NBEA: variants seen among roughly 807,000 people sequenced by gnomAD.
The protein encoded by NBEA is neurobeachin.
In NBEA, 44 loss-of-function variants were observed where a neutral mutation model predicts 343.4. The observed-to-expected ratio is 0.13, with a 90% CI of 0.10 to 0.16. NBEA has a LOEUF of 0.16. Ranked by LOEUF, NBEA falls within the 10% of genes least tolerant of loss-of-function variation. The pLI, the probability that NBEA is intolerant of heterozygous loss-of-function variation, is 1.00. For synonymous variants in NBEA, 1,175 were observed against 1,238.7 expected (o/e 0.95, Z 1.08); for missense variants, 2,555 against 3,631.3 (o/e 0.70, Z 7.62).
intron 41 of NBEA, among the ~76,000 whole-genome samples, chr13:35,491,338 AATTTAT>A (rs1248596768): frequency 1.3e-5 from 2 of 151,920 alleles, no homozygotes; most frequent in Middle Eastern, 3.4e-3. Context: ...ATCACTCTTA[AATTTAT>A]ATCTCTAGCC....
intron 41 of NBEA, chr13:35,475,954 C>G (rs1431989335): frequency 1.2e-6 from 2 of 1,614,192 alleles, no homozygotes; most frequent in East Asian, 2.2e-5. Context: ...GCCCTCGTAG[C>G]GATTGTCCAT....
intron 1 of NBEA, among the ~76,000 whole-genome samples, chr13:35,018,345 T>A (rs1002049556): frequency 1.3e-5 from 2 of 152,192 alleles, no homozygotes; most frequent in Non-Finnish European, 2.9e-5. Context: ...CCAAGACATC[T>A]TCTCATACTT....
At chr13:35,055,188 A>G (rs1361508799) in intron 6 of NBEA, among the ~76,000 whole-genome samples, 3 of 152,124 alleles carry the variant, frequency 2.0e-5, no homozygotes, top group African/African-American at 7.2e-5. Flanking sequence ...TACTTGTTCA[A>G]ATGTTTACAA....
At chr13:35,192,176 T>C (rs1450719761) in intron 30 of NBEA, among the ~76,000 whole-genome samples, 1 of 152,064 alleles carries the variant, frequency 6.6e-6, no homozygotes, top group Non-Finnish European at 1.5e-5. Flanking sequence ...TGCAATCATT[T>C]ATAGTTTTTC....
At chr13:35,143,948 CT>C (rs1053952075) in intron 18 of NBEA, among the ~76,000 whole-genome samples, 10 of 151,394 alleles carry the variant, frequency 6.6e-5, no homozygotes, top group Admixed American at 6.6e-4. Context: ...AATACTGTTT[CT>C]TTTCATGTAA....
chr13:35,122,642 C>T (rs549755165), intron 16 of NBEA, among the ~76,000 whole-genome samples: 4 of 152,066 alleles, frequency 2.6e-5, no homozygotes, highest in Admixed American at 2.6e-4. Flanking sequence ...AGGGGTGCAG[C>T]ACACCAACAT....
intron 36 of NBEA, among the ~76,000 whole-genome samples, chr13:35,346,223 C>T (rs1424475275): frequency 1.3e-5 from 2 of 152,074 alleles, no homozygotes; most frequent in African/African-American, 2.4e-5. Flanking sequence ...TCCCTTCCTG[C>T]TGTCTCCTGT....
At chr13:35,550,191 T>C (rs1474030727) in intron 41 of NBEA, among the ~76,000 whole-genome samples, 4 of 152,214 alleles carry the variant, frequency 2.6e-5, no homozygotes, top group African/African-American at 9.6e-5. Context: ...GGTGGTCACC[T>C]GGTCCAATTA....
chr13:35,498,045 G>T (rs1158691334), intron 41 of NBEA, among the ~76,000 whole-genome samples: 1 of 151,904 alleles, frequency 6.6e-6, no homozygotes, highest in African/African-American at 2.4e-5. Context: ...GTATTGATTT[G>T]CACAAAAATT....
intron 36 of NBEA, among the ~76,000 whole-genome samples, chr13:35,326,058 G>T (rs192840533): frequency 6.6e-6 from 1 of 152,114 alleles, no homozygotes; most frequent in East Asian, 1.9e-4. Context: ...GGTTACTGTT[G>T]ACTTATAGTT....
chr13:35,293,463 T>C (rs1344173092), intron 35 of NBEA, among the ~76,000 whole-genome samples: 1 of 152,014 alleles, frequency 6.6e-6, no homozygotes, highest in East Asian at 1.9e-4. Context: ...TAAAAATTGG[T>C]TTCATATCAT....
At chr13:35,274,682 A>C (rs746930673) in intron 34 of NBEA, among the ~76,000 whole-genome samples, 30 of 152,194 alleles carry the variant, frequency 2.0e-4, no homozygotes, top group Admixed American at 9.8e-4. Context: ...GTACAAAATC[A>C]ATGTGCAAAA....
intron 34 of NBEA, among the ~76,000 whole-genome samples, chr13:35,247,142 C>A (rs1345201292): frequency 6.6e-6 from 1 of 152,158 alleles, no homozygotes; most frequent in East Asian, 1.9e-4. Flanking sequence ...CCATGCCTCT[C>A]CCAACAGCAT....
intron 22 of NBEA, 95 bp from the exon 23 acceptor site, chr13:35,161,655 A>T: frequency 2.0e-6 from 2 of 1,007,138 alleles, no homozygotes; most frequent in Middle Eastern, 2.8e-4. Flanking sequence ...ATGCTAAAGC[A>T]TTAAAGCATT....
At chr13:35,304,396 C>T (rs1192777925) in intron 35 of NBEA, among the ~76,000 whole-genome samples, 1 of 151,116 alleles carries the variant, frequency 6.6e-6, no homozygotes, top group East Asian at 2.0e-4. Context: ...GGGTTGTCAC[C>T]CAGACTGGAG....
chr13:35,592,493 G>C (rs1326103924), intron 46 of NBEA, among the ~76,000 whole-genome samples: 1 of 152,106 alleles, frequency 6.6e-6, no homozygotes. Context: ...CTGGAGAGCC[G>C]TGGTAGCGCA....
In NBEA at chr13:35,577,812, A is replaced by G. The variant is rs1001278073; in HGVS notation, c.7036-6086A>G. Among the ~76,000 whole-genome samples the G allele has an allele frequency of 6.6e-5, 10 of 152,294 alleles. No individual in the cohort carries two copies. In the East Asian group the frequency reaches 1.4e-3, roughly 21 times the overall value. ...GGTTAAAAAGATGAGAAAGTTGCCT[A>G]TTACCAGATGGTGTCATGTAAGGCT... On this transcript the variant is annotated intron_variant, in intron 45 of 58. Transcript: ENST00000379939.
chr13:35,541,725 G>GGTGTGTGTGTGTGTGTGTGTGTGTGTGT (rs3075505), intron 41 of NBEA, among the ~76,000 whole-genome samples: 2 of 145,144 alleles, frequency 1.4e-5, no homozygotes, highest in Non-Finnish European at 1.5e-5. Context: ...GGTCTGCATG[G>GGTGTGTGTGTGTGTGTGTGTGTGTGTGT]GTGTGTGTGT....
At chr13:35,292,444 C>A (rs2035860676) in intron 35 of NBEA, among the ~76,000 whole-genome samples, 1 of 151,968 alleles carries the variant, frequency 6.6e-6, no homozygotes, top group African/African-American at 2.4e-5. Context: ...ATAGCTCTCT[C>A]CAAAGCAGTG....
Sources: allele counts gnomAD v4.1 joint callset (sites outside exome capture counted in the v4.1 genomes callset), GRCh38; gene constraint gnomAD v4.1.1; transcripts MANE v1.5; gene names NCBI Gene and HGNC (gene_info 2026-07-23, HGNC 2026-07-21).